RASGEF1A: variants seen among roughly 807,000 people sequenced by gnomAD.
RASGEF1A encodes the protein RasGEF domain family member 1A, also known as ras-GEF domain-containing family member 1A.
In RASGEF1A, 18 loss-of-function variants were observed where a neutral mutation model predicts 56.4. The ratio of observed to expected loss-of-function variants is 0.32; its 90% CI spans 0.22 to 0.47. RASGEF1A has a LOEUF of 0.47. RASGEF1A is among the 20% of genes least tolerant of loss of function. RASGEF1A has a pLI of 1.00. For missense variants in RASGEF1A, 422 were observed against 627.1 expected, an observed-to-expected ratio of 0.67 and a Z score of 3.49; for synonymous variants, 245 against 242.6, an observed-to-expected ratio of 1.01 and a Z score of -0.09.
chr10:43,200,061 A>G, intron 6 of RASGEF1A, 121 bp downstream of exon 6: 1 of 796,788 alleles, frequency 1.3e-6, no homozygotes, highest in Non-Finnish European at 2.1e-6. Flanking sequence ...ATCGGGGCTC[A>G]TGGCCCAGCA....
chr10:43,208,234 T>C, intron 1 of RASGEF1A: 1 of 985,426 alleles, frequency 1.0e-6, no homozygotes, highest in Non-Finnish European at 1.2e-6. Context: ...CTTGGGGTCA[T>C]CAGAGAGGGC....
At position 43,196,855 on chromosome 10, in the gene RASGEF1A, C is replaced by A; in HGVS notation, c.1348+121G>T. Reference sequence around the variant, plus strand: ...GCACACTCGCCCCTGCGAGCAGAGCCAGCCCTGTGTGGCATGGAGCAGCCA... The same window carrying A: ...GCACACTCGCCCCTGCGAGCAGAGCAAGCCCTGTGTGGCATGGAGCAGCCA... On this transcript the variant is annotated intron_variant, in intron 11 of 12. Transcript: ENST00000395810. The surrounding 1 kb of genome is among the most constrained non-coding windows in gnomAD (Gnocchi z 4.6). The A allele has an allele frequency of 1.6e-6, 2 of 1,262,154 alleles. No homozygotes were observed. The highest frequency in any genetic ancestry group is 2.2e-6 in the Non-Finnish European group (2 of 907,736). 78.2% of individuals were successfully genotyped at this position (1,262,154 alleles called of 1,614,324 possible). A position where few individuals can be genotyped will look rare whatever the true frequency, so the allele number is the denominator to read the frequency against.
intron 1 of RASGEF1A, among the ~76,000 whole-genome samples, chr10:43,218,949 T>A (rs1354672525): frequency 6.6e-6 from 1 of 152,262 alleles, no homozygotes; most frequent in African/African-American, 2.4e-5. Context: ...GCTCCTCAGA[T>A]TCTGCCCAGT....
chr10:43,254,465 C>T (rs573342624), intron 1 of RASGEF1A, among the ~76,000 whole-genome samples: 11 of 152,366 alleles, frequency 7.2e-5, no homozygotes, highest in African/African-American at 2.4e-4. Flanking sequence ...GTGGGCTGTG[C>T]TCTTCCTGCT....
intron 1 of RASGEF1A, among the ~76,000 whole-genome samples, chr10:43,230,133 C>A (rs1300566321): frequency 1.3e-5 from 2 of 152,168 alleles, no homozygotes. Flanking sequence ...CTTACCCGGC[C>A]CCGGCCTCAC....
chr10:43,222,002 T>C (rs1276258330), intron 1 of RASGEF1A, among the ~76,000 whole-genome samples: 6 of 152,204 alleles, frequency 3.9e-5, no homozygotes, highest in Non-Finnish European at 2.9e-5. Flanking sequence ...AAATGCATCT[T>C]AGGCGATTTC....
intron 1 of RASGEF1A, among the ~76,000 whole-genome samples, chr10:43,237,857 C>G (rs1167892467): frequency 2.0e-5 from 3 of 152,192 alleles, no homozygotes; most frequent in Non-Finnish European, 4.4e-5. Context: ...TGTCCCAGGA[C>G]CGCCATGTGA....
chr10:43,266,685 G>A (rs988521683), intron 1 of RASGEF1A, among the ~76,000 whole-genome samples, 160 bp downstream of exon 1: 1 of 146,006 alleles, frequency 6.8e-6, no homozygotes, highest in Non-Finnish European at 1.5e-5. Flanking sequence ...CGCGTCCCCC[G>A]CCCCGCGCCC....
chr10:43,245,115 A>G (rs982904847), intron 1 of RASGEF1A, among the ~76,000 whole-genome samples: 19 of 152,322 alleles, frequency 1.2e-4, no homozygotes, highest in Middle Eastern at 3.4e-3. Flanking sequence ...ATCAGAGAGG[A>G]TATTACCACC....
chr10:43,234,622 G>A (rs1279093548), intron 1 of RASGEF1A, among the ~76,000 whole-genome samples: 1 of 152,178 alleles, frequency 6.6e-6, no homozygotes, highest in African/African-American at 2.4e-5. Flanking sequence ...GGACAGAAAG[G>A]CCCTGGCCCC....
At chr10:43,226,958 T>C (rs1040894227) in intron 1 of RASGEF1A, among the ~76,000 whole-genome samples, 12 of 152,028 alleles carry the variant, frequency 7.9e-5, no homozygotes, top group African/African-American at 2.7e-4. Flanking sequence ...CTCTTCAGGA[T>C]TGGGGGTCTG....
chr10:43,263,067 G>A (rs960636755), intron 1 of RASGEF1A, among the ~76,000 whole-genome samples: 1 of 152,196 alleles, frequency 6.6e-6, no homozygotes, highest in African/African-American at 2.4e-5. Context: ...GCGTCCAGCA[G>A]GCTCACACAC....
At chr10:43,210,400 G>A (rs757588424) in intron 1 of RASGEF1A, among the ~76,000 whole-genome samples, 2 of 152,212 alleles carry the variant, frequency 1.3e-5, no homozygotes, top group Non-Finnish European at 1.5e-5. Context: ...CTTGAGCCCA[G>A]GAGGTTGAGG....
At chr10:43,197,866 G>A in intron 10 of RASGEF1A, 138 bp downstream of exon 10, 1 of 692,672 alleles carries the variant, frequency 1.4e-6, no homozygotes, top group Non-Finnish European at 2.4e-6. Context: ...CCACTATGAG[G>A]CTTTCAGTCT....
chr10:43,213,973 C>T (rs919828256), intron 1 of RASGEF1A, among the ~76,000 whole-genome samples: 2 of 152,168 alleles, frequency 1.3e-5, no homozygotes, highest in African/African-American at 4.8e-5. Context: ...GTCCCCCAGG[C>T]AGCACACAGA....
intron 1 of RASGEF1A, among the ~76,000 whole-genome samples, chr10:43,261,387 A>C (rs1337552310): frequency 1.3e-5 from 2 of 152,176 alleles, no homozygotes; most frequent in African/African-American, 4.8e-5. Flanking sequence ...AGCGGGGCTG[A>C]GCAGGAAGGG....
Position 43,221,606 on chromosome 10 carries a change from G to T in RASGEF1A, c.-6-15484C>A, listed in dbSNP as rs548219773. On this transcript the variant is annotated intron_variant, in intron 1 of 12. Transcript: ENST00000395810. ...CAGGGGGAGCCAGCCAGGCCTGTGGGATGGACAGGGCCTGACCCAGGAGGA... is the reference window on the plus strand; with the variant it reads ...CAGGGGGAGCCAGCCAGGCCTGTGGTATGGACAGGGCCTGACCCAGGAGGA... Among the ~76,000 whole-genome samples the T allele has an allele frequency of 3.8e-3, 572 of 152,362 alleles. 5 individuals carry two copies. Among genetic ancestry groups the T allele is most frequent in the African/African-American group, 0.013 (552 of 41,590 alleles).
In RASGEF1A at chr10:43,266,959, G is replaced by T. The variant is rs1836636649; in HGVS notation, c.-121C>A. On this transcript the variant is annotated 5_prime_UTR_variant, in exon 1 of 13. Transcript: ENST00000395810. ...CTCGGCGCCCGGGCCCGCGGCACCC[G>T]CCCACCCGCGGCCGCCCCCGCGCTG... 1 of 145,360 alleles carries T rather than the reference G, an allele frequency of 6.9e-6. No individual in the cohort carries two copies. Among genetic ancestry groups the T allele is most frequent in the African/African-American group, 2.5e-5 (1 of 40,598 alleles). The allele number at this position is 145,360 out of a possible 1,614,324, so 9.0% of individuals were successfully genotyped here.
chr10:43,235,210 T>C (rs1840414945), intron 1 of RASGEF1A, among the ~76,000 whole-genome samples: 1 of 152,182 alleles, frequency 6.6e-6, no homozygotes, highest in Admixed American at 6.5e-5. Context: ...AGCTTTCTGA[T>C]GCGCAAGGCA....
Sources: gnomAD v4.1 joint callset for allele counts (sites outside exome capture counted in the v4.1 genomes callset) on GRCh38, gnomAD v4.1.1 for gene constraint, Gnocchi (gnomAD v3.1) non-coding constraint, MANE v1.5 for transcripts, NCBI Gene and HGNC (gene_info 2026-07-23, HGNC 2026-07-21) for gene names.